Variants in CXXC5 observed in about 807,000 individuals in gnomAD.
CXXC5 encodes the protein CXXC-type zinc finger protein 5.
A neutral mutation model predicts 17.6 loss-of-function variants in CXXC5; 2 were observed. That is an observed-to-expected ratio of 0.11 (90% confidence interval 0.05 to 0.36). The LOEUF (loss-of-function observed/expected upper bound fraction) is 0.36, where lower values mean the gene tolerates loss of function less well. CXXC5 is among the 10% of genes least tolerant of loss of function. The pLI is 1.00. For missense variants in CXXC5, 343 were observed against 458.3 expected (o/e 0.75, Z 2.30); for synonymous variants, 171 against 193.0 (o/e 0.89, Z 0.94).
At chr5:139,660,206 T>C (rs996440209) in intron 1 of CXXC5, among the ~76,000 whole-genome samples, 7 of 152,226 alleles carry the variant, frequency 4.6e-5, no homozygotes, top group Non-Finnish European at 4.4e-5. Context: ...ATAATAGCTC[T>C]GACACGGGGA....
intron 1 of CXXC5, among the ~76,000 whole-genome samples, chr5:139,667,840 CTTA>C (rs1405492744): frequency 3.3e-5 from 5 of 152,160 alleles, no homozygotes; most frequent in Non-Finnish European, 2.9e-5. Context: ...TCTCGCCATC[CTTA>C]TTATTACTAC....
At chr5:139,657,019 C>T (rs1006113039) in intron 1 of CXXC5, among the ~76,000 whole-genome samples, 3 of 152,264 alleles carry the variant, frequency 2.0e-5, no homozygotes, top group African/African-American at 4.8e-5. Flanking sequence ...GCCACCACCC[C>T]CGGCCAACTG....
chr5:139,654,391 TCA>T (rs1755378548), intron 1 of CXXC5, among the ~76,000 whole-genome samples: 1 of 152,186 alleles, frequency 6.6e-6, no homozygotes, highest in African/African-American at 2.4e-5. Context: ...TCTACAAACC[TCA>T]GTTTCCTAAT....
At chr5:139,678,171 G>A (rs1411978039) in intron 1 of CXXC5, among the ~76,000 whole-genome samples, 4 of 152,228 alleles carry the variant, frequency 2.6e-5, no homozygotes, top group African/African-American at 9.6e-5. Context: ...GGCAGGAGCT[G>A]GATGAGCTGA....
intron 1 of CXXC5, among the ~76,000 whole-genome samples, chr5:139,653,786 C>T (rs1042767254): frequency 2.8e-4 from 42 of 152,166 alleles, no homozygotes; most frequent in Non-Finnish European, 1.8e-4. Flanking sequence ...CCCCCGCCAG[C>T]TCAATTAGAT....
chr5:139,680,257 C>T (rs1047131297), intron 1 of CXXC5, 107 bp from the exon 2 acceptor site: 3 of 539,622 alleles, frequency 5.6e-6, no homozygotes, highest in Admixed American at 3.4e-5. Context: ...AATGCCTGGT[C>T]AAGCACATGG....
intron 1 of CXXC5, among the ~76,000 whole-genome samples, chr5:139,672,254 A>G (rs1756517480): frequency 6.6e-6 from 1 of 152,158 alleles, no homozygotes; most frequent in Non-Finnish European, 1.5e-5. Flanking sequence ...AGTAGCTGGG[A>G]TTACAGGCAT....
Position 139,670,978 on chromosome 5 carries a change from G to T in CXXC5, c.-160-9386G>T, listed in dbSNP as rs1487176730. 6.6e-6 allele frequency among the ~76,000 whole-genome samples: 1 copy of T among 152,200 alleles called. No homozygotes were observed. Among genetic ancestry groups the T allele is most frequent in the Non-Finnish European group, 1.5e-5 (1 of 68,028 alleles). ...ATACACACTCCAGCCCCCTGAGCCCGCTCCCAGGTGCCCAGCATCCTTGGG... is the reference window on the plus strand; with the variant it reads ...ATACACACTCCAGCCCCCTGAGCCCTCTCCCAGGTGCCCAGCATCCTTGGG... On this transcript the variant is annotated intron_variant, in intron 1 of 2. Coordinates refer to ENST00000302517, the MANE Select transcript of CXXC5 (RefSeq NM_016463.9). The surrounding 1 kb of genome is among the most constrained non-coding windows in gnomAD (Gnocchi z 4.2).
intron 1 of CXXC5, chr5:139,675,622 A>G (rs1188140794): frequency 6.6e-6 from 1 of 152,232 alleles, no homozygotes; most frequent in Non-Finnish European, 1.5e-5. Context: ...AAAAGTGGCC[A>G]CAGAACAGGG....
At chr5:139,678,519 G>A (rs1756989773) in intron 1 of CXXC5, among the ~76,000 whole-genome samples, 1 of 152,170 alleles carries the variant, frequency 6.6e-6, no homozygotes, top group Non-Finnish European at 1.5e-5. Flanking sequence ...CACTGGGGAG[G>A]GACAGGGAGT....
intron 1 of CXXC5, among the ~76,000 whole-genome samples, chr5:139,660,037 GGGCA>G (rs776409776): frequency 3.8e-4 from 58 of 152,212 alleles, no homozygotes; most frequent in Non-Finnish European, 7.2e-4. Flanking sequence ...GCAGCCGGGT[GGGCA>G]GGCAGGCAGG....
rs745539238 is a variant in CXXC5 at position 139,682,887 on chromosome 5, G to GC, written c.951dup (p.Phe318LeufsTer40). On this transcript the variant is annotated frameshift_variant, in exon 3 of 3. Coordinates refer to ENST00000302517, the MANE Select transcript of CXXC5 (RefSeq NM_016463.9). LOFTEE classifies it high-confidence loss of function. The stretch of plus-strand genomic sequence containing the variant: ...GAAGGTGATGCTTCCGACGGGAGCC[G>GC]CCTTCCGGTGGTTTCAGTGACGGCG... The GC allele has an allele frequency of 6.3e-7, 1 of 1,594,028 alleles. No individual in the cohort carries two copies.
At chr5:139,662,022 T>C (rs368981486) in intron 1 of CXXC5, among the ~76,000 whole-genome samples, 12 of 152,192 alleles carry the variant, frequency 7.9e-5, no homozygotes, top group African/African-American at 2.2e-4. Flanking sequence ...GAAAGTCGAT[T>C]TCCCCAGGAC....
In CXXC5 at chr5:139,680,415, G is replaced by A. The variant is rs901196743; in HGVS notation, c.-109G>A. The A allele has an allele frequency of 5.0e-5, 71 of 1,427,102 alleles. No homozygotes were observed. In the Admixed American group the frequency reaches 1.8e-3, roughly 35 times the overall value. The allele number at this position is 1,427,102 out of a possible 1,614,324, so 88.4% of individuals were successfully genotyped here. A position where few individuals can be genotyped will look rare whatever the true frequency, so the allele number is the denominator to read the frequency against. On this transcript the variant is annotated 5_prime_UTR_variant, in exon 2 of 3. Coordinates refer to ENST00000302517, the MANE Select transcript of CXXC5 (RefSeq NM_016463.9). ...TGACCATGTGCCTGCCCTGAGCAGC[G>A]AGGCCCACCAGGCATCTCTGTTGTG...
At chr5:139,655,086 T>C (rs1223039089) in intron 1 of CXXC5, among the ~76,000 whole-genome samples, 1 of 152,130 alleles carries the variant, frequency 6.6e-6, no homozygotes, top group Non-Finnish European at 1.5e-5. Context: ...CTGGCTTTCT[T>C]GATAGGGTGG....
At chr5:139,664,015 G>C (rs1755962464) in intron 1 of CXXC5, among the ~76,000 whole-genome samples, 1 of 152,162 alleles carries the variant, frequency 6.6e-6, no homozygotes, top group South Asian at 2.1e-4. Flanking sequence ...GAGATGAGGG[G>C]CTCCCCTCGC....
intron 1 of CXXC5, among the ~76,000 whole-genome samples, chr5:139,677,911 C>T (rs544080311): frequency 6.6e-6 from 1 of 152,366 alleles, no homozygotes; most frequent in Non-Finnish European, 1.5e-5. Context: ...CCGCCCCGCA[C>T]GCAGAGCCAG....
rs1756397705 is a variant in CXXC5, at chr5:139,670,449, T to C, written c.-160-9915T>C. ...CCCCACCACAGCCCAGGTGCACCTG[T>C]GGGCAGCTTCCTGTTTCCATAGGGG... On this transcript the variant is annotated intron_variant, in intron 1 of 2. Transcript: ENST00000302517. This position sits in a 1 kb window ranked among gnomAD's most constrained non-coding sequence, Gnocchi z 4.2. 6.6e-6 allele frequency among the ~76,000 whole-genome samples: 1 copy of C among 152,120 alleles called. No homozygotes were observed. The highest frequency in any genetic ancestry group is 2.1e-4 in the South Asian group (1 of 4,826).
intron 1 of CXXC5, among the ~76,000 whole-genome samples, chr5:139,656,102 A>T (rs1755484618): frequency 6.6e-6 from 1 of 152,238 alleles, no homozygotes; most frequent in South Asian, 2.1e-4. Flanking sequence ...CCAGCCTGCC[A>T]GCAGGAACAC....
Sources: gnomAD v4.1 joint callset for allele counts (sites outside exome capture counted in the v4.1 genomes callset) on GRCh38, gnomAD v4.1.1 for gene constraint, Gnocchi (gnomAD v3.1) non-coding constraint, MANE v1.5 for transcripts, NCBI Gene and HGNC (gene_info 2026-07-23, HGNC 2026-07-21) for gene names.